Variants in RXRA observed in about 807,000 individuals in gnomAD.
RXRA encodes the protein retinoic acid receptor RXR-alpha.
Under a neutral mutation model 44.5 loss-of-function variants are expected in RXRA, and 5 were observed. The ratio of observed to expected loss-of-function variants is 0.11; its 90% CI spans 0.06 to 0.24. The LOEUF is 0.24. Ranked by LOEUF, RXRA falls within the 10% of genes least tolerant of loss-of-function variation. The probability of loss-of-function intolerance (pLI) is 1.00; values close to 1 mark genes in which losing one functional copy is unlikely to be tolerated. For missense variants in RXRA, 412 were observed against 646.5 expected (o/e 0.64, Z 3.93); for synonymous variants, 291 against 271.4 (o/e 1.07, Z -0.71).
intron 7 of RXRA, among the ~76,000 whole-genome samples, chr9:134,429,471 C>T (rs1393991818): frequency 6.6e-6 from 1 of 152,246 alleles, no homozygotes; most frequent in African/African-American, 2.4e-5. Flanking sequence ...CTCCCTCCAT[C>T]TCTTCTTTTT....
intron 4 of RXRA, among the ~76,000 whole-genome samples, chr9:134,410,115 G>A (rs1043044391): frequency 1.3e-5 from 2 of 152,234 alleles, no homozygotes; most frequent in African/African-American, 2.4e-5. Context: ...CAGCCTTAAC[G>A]GTCCTGTTGA....
Position 134,401,533 on chromosome 9 carries a change from TC to T in RXRA, c.29-96del, listed in dbSNP as rs1830959502. On this transcript the variant is annotated intron_variant, in intron 1 of 9. Coordinates refer to ENST00000481739, the MANE Select transcript of RXRA (RefSeq NM_002957.6). ...GGCCACCTTGAGGGTGCCGGGGTCT[TC>T]CCGCAGGTGCGTGCATCTGTAGCTG... The T allele has an allele frequency of 7.0e-6, 11 of 1,576,300 alleles. No homozygotes were observed. In the South Asian group the frequency reaches 1.0e-4, roughly 15 times the overall value.
chr9:134,417,364 A>G lies in RXRA; in HGVS notation c.780+37A>G. The G allele has an allele frequency of 1.2e-6, 2 of 1,602,002 alleles. No individual in the cohort carries two copies. The highest frequency in any genetic ancestry group is 1.1e-5 in the South Asian group (1 of 90,514). ...CCTGTGCAGGGGTGGGCAGCCTCAC[A>G]TGCCTCAGTTTCCCTCACTCACTCA... On this transcript the variant is annotated intron_variant, in intron 5 of 9. Coordinates refer to ENST00000481739, the MANE Select transcript of RXRA (RefSeq NM_002957.6). This position sits in a 1 kb window ranked among gnomAD's most constrained non-coding sequence, Gnocchi z 6.1.
chr9:134,334,832 C>A (rs1432430009), intron 1 of RXRA, among the ~76,000 whole-genome samples: 2 of 152,186 alleles, frequency 1.3e-5, no homozygotes, highest in African/African-American at 2.4e-5. Flanking sequence ...GGGTTGCTGG[C>A]GTCCAGGAAG....
At chr9:134,383,496 G>A (rs1284854127) in intron 1 of RXRA, among the ~76,000 whole-genome samples, 1 of 152,128 alleles carries the variant, frequency 6.6e-6, no homozygotes, top group African/African-American at 2.4e-5. Flanking sequence ...CCCTCATTCC[G>A]AGTCTCATGA....
chr9:134,338,237 G>T (rs1554747595), intron 1 of RXRA, among the ~76,000 whole-genome samples: 1 of 152,246 alleles, frequency 6.6e-6, no homozygotes, highest in Non-Finnish European at 1.5e-5. Context: ...GCACGGGCAG[G>T]TGTGTGGGGC....
intron 2 of RXRA, 148 bp downstream of exon 2, chr9:134,402,030 A>G: frequency 1.4e-6 from 1 of 697,406 alleles, no homozygotes; most frequent in Non-Finnish European, 2.3e-6. Flanking sequence ...AGCCTCGGGG[A>G]GCAGAGTGCC....
intron 1 of RXRA, among the ~76,000 whole-genome samples, chr9:134,331,912 G>A (rs1423019593): frequency 6.6e-6 from 1 of 152,244 alleles, no homozygotes; most frequent in South Asian, 2.1e-4. Flanking sequence ...GACCAGGCTG[G>A]GTCTATGCCC....
At position 134,437,001 on chromosome 9, in the gene RXRA, A is replaced by C. The variant is rs530661530; in HGVS notation, c.*387A>C. 1 of 212,994 alleles carries C rather than the reference A, an allele frequency of 4.7e-6. No homozygotes were observed. Among genetic ancestry groups the C allele is most frequent in the South Asian group, 7.9e-5 (1 of 12,712 alleles). 13.2% of individuals were successfully genotyped at this position (212,994 alleles called of 1,614,324 possible). On this transcript the variant is annotated 3_prime_UTR_variant, in exon 10 of 10. Coordinates refer to ENST00000481739, the MANE Select transcript of RXRA (RefSeq NM_002957.6). ...CTTTTGTTTCCGTTGCTGTTTATCG[A>C]TGCTGGTTTTCAGAATTCCTGTGTG...
intron 1 of RXRA, among the ~76,000 whole-genome samples, chr9:134,369,410 G>T (rs1275175014): frequency 4.0e-5 from 5 of 125,160 alleles, no homozygotes. Flanking sequence ...TGTGTGTGTG[G>T]GTTATATGTG....
intron 1 of RXRA, among the ~76,000 whole-genome samples, chr9:134,332,689 C>T (rs1314180984): frequency 6.6e-6 from 1 of 152,080 alleles, no homozygotes; most frequent in Non-Finnish European, 1.5e-5. Context: ...TGCATGGGTG[C>T]CCGGAGACTG....
intron 1 of RXRA, among the ~76,000 whole-genome samples, chr9:134,378,923 G>A (rs2119097075): frequency 1.3e-5 from 2 of 152,368 alleles, no homozygotes; most frequent in South Asian, 4.1e-4. Context: ...AGATTGTCCT[G>A]CTTCATCCTG....
At chr9:134,339,515 CTGTG>C (rs140582836) in intron 1 of RXRA, among the ~76,000 whole-genome samples, 81 of 138,498 alleles carry the variant, frequency 5.8e-4, no homozygotes, top group South Asian at 1.9e-3. Flanking sequence ...GTGTGTGAGT[CTGTG>C]TGTGTGTGTG....
At position 134,425,553 on chromosome 9, in the gene RXRA, T is replaced by TG. The variant is rs1189339958; in HGVS notation, c.911-3546dup. ...TCCTGCGTGGCGGCAGGGTGGGGGG[T>TG]GGGGGGGGGTGAGGGGGGTGGGGGG... On this transcript the variant is annotated intron_variant, in intron 6 of 9. Transcript: ENST00000481739. 1,032 of 137,090 alleles carry TG rather than the reference T, an allele frequency of 7.5e-3. 1 individual carries two copies. The highest frequency in any genetic ancestry group is 0.018 in the East Asian group (11 of 628). 8.5% of individuals were successfully genotyped at this position (137,090 alleles called of 1,614,324 possible).
At chr9:134,332,674 G>A (rs1356577761) in intron 1 of RXRA, among the ~76,000 whole-genome samples, 2 of 152,186 alleles carry the variant, frequency 1.3e-5, no homozygotes, top group African/African-American at 4.8e-5. Flanking sequence ...TGTGCCGGGC[G>A]TAGGTGCATG....
intron 5 of RXRA, among the ~76,000 whole-genome samples, chr9:134,418,546 C>G (rs138341204): frequency 6.6e-6 from 1 of 152,204 alleles, no homozygotes; most frequent in Admixed American, 6.5e-5. Flanking sequence ...CTCCCCACCC[C>G]CCAGGGCCTT....
intron 6 of RXRA, chr9:134,423,252 GC>G (rs1262401194): frequency 1.0e-6 from 1 of 985,316 alleles, no homozygotes; most frequent in South Asian, 4.7e-5. Flanking sequence ...TGCCCTCACT[GC>G]CCGACGATGG....
chr9:134,400,648 A>G (rs1451578854), intron 1 of RXRA, among the ~76,000 whole-genome samples: 1 of 152,078 alleles, frequency 6.6e-6, no homozygotes, highest in Admixed American at 6.5e-5. Context: ...GCCACCTGGG[A>G]GCCTCCCTTC....
At chr9:134,386,054 A>G (rs1588279112) in intron 1 of RXRA, among the ~76,000 whole-genome samples, 2 of 152,352 alleles carry the variant, frequency 1.3e-5, no homozygotes, top group East Asian at 3.9e-4. Context: ...CCTTGTGGTC[A>G]CAGGTGTCTG....
Sources: gnomAD v4.1 joint callset for allele counts (sites outside exome capture counted in the v4.1 genomes callset) on GRCh38, gnomAD v4.1.1 for gene constraint, Gnocchi (gnomAD v3.1) non-coding constraint, MANE v1.5 for transcripts, NCBI Gene and HGNC (gene_info 2026-07-23, HGNC 2026-07-21) for gene names.